RMDN2: variants seen among roughly 807,000 people sequenced by gnomAD.
The protein encoded by RMDN2 is regulator of microtubule dynamics 2.
In RMDN2, 61 loss-of-function variants were observed where a neutral mutation model predicts 52.8. The ratio of observed to expected loss-of-function variants is 1.16; its 90% CI spans 0.94 to 1.43. The LOEUF (loss-of-function observed/expected upper bound fraction) is 1.43. Ranked by LOEUF, RMDN2 falls within the 40% of genes most tolerant of loss-of-function variation. The pLI is 0.00. For synonymous variants in RMDN2, 180 were observed against 153.1 expected (o/e 1.18, Z -1.30); for missense variants, 592 against 475.3 (o/e 1.25, Z -2.28).
At chr2:38,024,535 G>T (rs1174436195) in intron 10 of RMDN2, among the ~76,000 whole-genome samples, 1 of 152,098 alleles carries the variant, frequency 6.6e-6, no homozygotes, top group Non-Finnish European at 1.5e-5. Flanking sequence ...GACAAATGAT[G>T]TTGAGCATTT....
intron 2 of RMDN2, among the ~76,000 whole-genome samples, chr2:37,966,366 G>A (rs897263484): frequency 5.9e-5 from 9 of 151,686 alleles, no homozygotes; most frequent in East Asian, 3.9e-4. Flanking sequence ...ACAGTGAGCC[G>A]AGATCATGCC....
At chr2:38,040,825 A>G (rs537106731) in intron 10 of RMDN2, among the ~76,000 whole-genome samples, 2 of 152,308 alleles carry the variant, frequency 1.3e-5, no homozygotes, top group African/African-American at 4.8e-5. Context: ...AATATCTTAA[A>G]CACTATTGAG....
chr2:37,974,484 AT>A lies in RMDN2; in HGVS notation c.627+282del, dbSNP rs527529161. ...AATTACGCAGATTTACTTTTATTTGATTTTTTTTTTTTACTAATTTATATAT... is the reference window on the plus strand; with the variant it reads ...AATTACGCAGATTTACTTTTATTTGATTTTTTTTTTTACTAATTTATATAT... On this transcript the variant is annotated intron_variant, in intron 3 of 10. Coordinates refer to ENST00000354545, the MANE Select transcript of RMDN2 (RefSeq NM_001170791.3). Among the ~76,000 whole-genome samples, 263 of 146,230 alleles carry A rather than the reference AT, an allele frequency of 1.8e-3. 2 individuals carry two copies. In the East Asian group the frequency reaches 0.03, roughly 17 times the overall value.
chr2:37,981,718 C>A (rs1673344020), intron 5 of RMDN2, among the ~76,000 whole-genome samples: 1 of 152,030 alleles, frequency 6.6e-6, no homozygotes, highest in Non-Finnish European at 1.5e-5. Context: ...TGCATTGATG[C>A]ATCGTAATAT....
intron 2 of RMDN2, among the ~76,000 whole-genome samples, chr2:37,949,678 C>G (rs904788650): frequency 1.3e-5 from 2 of 151,932 alleles, no homozygotes; most frequent in African/African-American, 4.8e-5. Context: ...CAAGGGTTTC[C>G]TGCAGTAGGG....
chr2:37,926,299 TTAAA>T (rs956944163), intron 1 of RMDN2, among the ~76,000 whole-genome samples: 27 of 152,350 alleles, frequency 1.8e-4, no homozygotes, highest in African/African-American at 5.8e-4. Context: ...AAAATTAATT[TTAAA>T]TAAAACTAGA....
At chr2:38,026,768 A>T (rs1046405906) in intron 10 of RMDN2, among the ~76,000 whole-genome samples, 1 of 152,030 alleles carries the variant, frequency 6.6e-6, no homozygotes, top group Non-Finnish European at 1.5e-5. Context: ...CTTCCTTTCT[A>T]CTATAAGCAT....
At chr2:37,974,525 G>C (rs1269022267) in intron 3 of RMDN2, among the ~76,000 whole-genome samples, 2 of 149,012 alleles carry the variant, frequency 1.3e-5, no homozygotes, top group African/African-American at 4.9e-5. Context: ...CAAATATTTT[G>C]AGACAGATAT....
intron 10 of RMDN2, among the ~76,000 whole-genome samples, chr2:38,034,715 A>G: frequency 6.6e-6 from 1 of 151,220 alleles, no homozygotes; most frequent in East Asian, 1.9e-4. Flanking sequence ...ATATATTTAT[A>G]TTTATTTATT....
intron 10 of RMDN2, among the ~76,000 whole-genome samples, chr2:38,054,189 A>T (rs1681754774): frequency 6.6e-6 from 1 of 152,188 alleles, no homozygotes; most frequent in Non-Finnish European, 1.5e-5. Flanking sequence ...GGTTTGTTTT[A>T]TGCGTATTAT....
At chr2:38,002,975 G>C (rs150133087) in intron 8 of RMDN2, 1 of 152,342 alleles carries the variant, frequency 6.6e-6, no homozygotes, top group African/African-American at 2.4e-5. Flanking sequence ...GAGCTGTCTA[G>C]TGACAATACC....
At chr2:38,025,899 T>C (rs1402146851) in intron 10 of RMDN2, among the ~76,000 whole-genome samples, 2 of 152,142 alleles carry the variant, frequency 1.3e-5, no homozygotes, top group Admixed American at 1.3e-4. Flanking sequence ...CAACGGATAT[T>C]GGTTTGTAGT....
At chr2:37,934,592 C>G (rs1667133010) in intron 2 of RMDN2, among the ~76,000 whole-genome samples, 1 of 152,104 alleles carries the variant, frequency 6.6e-6, no homozygotes, top group African/African-American at 2.4e-5. Flanking sequence ...GCAGAATCAG[C>G]TATGCTGTGG....
At chr2:38,019,928 CTG>C (rs1679212937), downstream of RMDN2, among the ~76,000 whole-genome samples, 2 of 151,890 alleles carry the variant, frequency 1.3e-5, no homozygotes, top group African/African-American at 4.9e-5. Flanking sequence ...CAGAGTGAAA[CTG>C]TTTCAAAAAA....
chr2:38,063,974 TTGTG>T (rs771042417), intron 10 of RMDN2, among the ~76,000 whole-genome samples: 2 of 150,970 alleles, frequency 1.3e-5, no homozygotes, highest in South Asian at 2.1e-4. Context: ...TGAATCCTGT[TTGTG>T]TGTGTGTATG....
At chr2:38,036,283 G>C (rs1005032002) in intron 10 of RMDN2, 1 of 152,210 alleles carries the variant, frequency 6.6e-6, no homozygotes, top group Non-Finnish European at 1.5e-5. Context: ...TCTTCCTACT[G>C]TGCCCAGCTA....
intron 10 of RMDN2, among the ~76,000 whole-genome samples, chr2:38,024,141 A>C (rs941852459): frequency 2.6e-5 from 4 of 152,168 alleles, no homozygotes; most frequent in Non-Finnish European, 5.9e-5. Context: ...ATTTCTGAGT[A>C]GTATTTTATA....
At chr2:37,927,641 AC>A (rs1394611843) in intron 1 of RMDN2, among the ~76,000 whole-genome samples, 2 of 152,230 alleles carry the variant, frequency 1.3e-5, no homozygotes, top group African/African-American at 4.8e-5. Flanking sequence ...CCTTTAATAG[AC>A]CTCTATATCA....
intron 8 of RMDN2, among the ~76,000 whole-genome samples, chr2:38,000,311 A>T (rs1676139420): frequency 6.6e-6 from 1 of 152,168 alleles, no homozygotes; most frequent in African/African-American, 2.4e-5. Context: ...CATGACCCAG[A>T]CTCATTGTTT....
Sources: allele counts gnomAD v4.1 joint callset (sites outside exome capture counted in the v4.1 genomes callset), GRCh38; gene constraint gnomAD v4.1.1; transcripts MANE v1.5; gene names NCBI Gene and HGNC (gene_info 2026-07-23, HGNC 2026-07-21).